SLC4A4: variants seen among roughly 807,000 people sequenced by gnomAD.
The protein encoded by SLC4A4 is electrogenic sodium bicarbonate cotransporter 1.
In SLC4A4, 27 loss-of-function variants were observed where a neutral mutation model predicts 111.5. The observed-to-expected ratio is 0.24, with a 90% confidence interval of 0.18 to 0.33. SLC4A4 has a LOEUF of 0.33. SLC4A4 is among the 10% of genes least tolerant of loss of function. SLC4A4 has a pLI of 1.00. For missense variants in SLC4A4, 909 were observed against 1,315.5 expected, an observed-to-expected ratio of 0.69 and a Z score of 4.78; for synonymous variants, 443 against 463.4, an observed-to-expected ratio of 0.96 and a Z score of 0.57.
chr4:71,215,791 A>G (rs1238080887), intron 1 of SLC4A4, among the ~76,000 whole-genome samples: 1 of 152,206 alleles, frequency 6.6e-6, no homozygotes, highest in Non-Finnish European at 1.5e-5. Context: ...GTGCTCAACA[A>G]ACGATACATA....
At chr4:71,468,568 A>T (rs1442726095) in intron 13 of SLC4A4, among the ~76,000 whole-genome samples, 2 of 152,018 alleles carry the variant, frequency 1.3e-5, no homozygotes, top group Non-Finnish European at 2.9e-5. Flanking sequence ...CTTTAAATCC[A>T]TCACTTAGTA....
chr4:71,086,361 T>G (rs1311886071), intron 1 of SLC4A4, among the ~76,000 whole-genome samples: 1 of 151,890 alleles, frequency 6.6e-6, no homozygotes, highest in African/African-American at 2.4e-5. Context: ...CAGGGACAAT[T>G]TGACTTCCTC....
intron 8 of SLC4A4, among the ~76,000 whole-genome samples, chr4:71,443,116 C>CTCTATATATATATATA (rs1198759861): frequency 7.6e-5 from 5 of 65,654 alleles, no homozygotes; most frequent in Non-Finnish European, 1.0e-4. Flanking sequence ...CTCTCTCTCT[C>CTCTATATATATATATA]TATATATATA....
At chr4:71,404,586 G>A (rs977693426) in intron 7 of SLC4A4, among the ~76,000 whole-genome samples, 11 of 152,126 alleles carry the variant, frequency 7.2e-5, no homozygotes, top group South Asian at 2.1e-4. Flanking sequence ...GAGAACAGTA[G>A]CATGCTGTCA....
chr4:71,361,752 T>A (rs888358675), intron 6 of SLC4A4, among the ~76,000 whole-genome samples: 13 of 152,220 alleles, frequency 8.5e-5, no homozygotes, highest in Non-Finnish European at 8.8e-5. Flanking sequence ...TTATTTAGTG[T>A]ATTATGAAAA....
chr4:71,147,764 AC>A (rs1170319559), intron 2 of SLC4A4, among the ~76,000 whole-genome samples: 12 of 152,128 alleles, frequency 7.9e-5, no homozygotes, highest in African/African-American at 2.9e-4. Flanking sequence ...GGGCATTGCC[AC>A]CACCCATCTG....
At chr4:71,156,615 T>TACACACACACAC (rs1560749563) in intron 2 of SLC4A4, among the ~76,000 whole-genome samples, 1 of 121,082 alleles carries the variant, frequency 8.3e-6, no homozygotes, top group South Asian at 2.8e-4. Context: ...CACACACACA[T>TACACACACACAC]ACACATTGTG....
At chr4:71,210,748 G>T (rs1193874798) in intron 1 of SLC4A4, among the ~76,000 whole-genome samples, 1 of 152,148 alleles carries the variant, frequency 6.6e-6, no homozygotes, top group Non-Finnish European at 1.5e-5. Flanking sequence ...AAGCTATGTT[G>T]TTATGTTTAT....
chr4:71,443,112 CTCTCTATA>C (rs1387125484), intron 8 of SLC4A4, among the ~76,000 whole-genome samples: 9 of 97,648 alleles, frequency 9.2e-5, no homozygotes, highest in African/African-American at 2.9e-4. Flanking sequence ...CTCTCTCTCT[CTCTCTATA>C]TATATATATA....
chr4:71,259,292 T>TA (rs1721678862), intron 3 of SLC4A4, among the ~76,000 whole-genome samples: 1 of 152,132 alleles, frequency 6.6e-6, no homozygotes, highest in Non-Finnish European at 1.5e-5. Context: ...ACCGGGTTTC[T>TA]AAAAAATAAA....
chr4:71,366,344 T>TGC (rs1363831525), intron 6 of SLC4A4, among the ~76,000 whole-genome samples: 1 of 151,896 alleles, frequency 6.6e-6, no homozygotes, highest in Non-Finnish European at 1.5e-5. Context: ...TGTGTGTGTG[T>TGC]GTGTGTGTGT....
At chr4:71,269,817 C>T (rs1001569904) in intron 3 of SLC4A4, among the ~76,000 whole-genome samples, 2 of 152,106 alleles carry the variant, frequency 1.3e-5, no homozygotes, top group African/African-American at 4.8e-5. Context: ...GGTTTGGAAT[C>T]GTAGTTTGTG....
At chr4:71,106,985 A>G (rs1001973272) in intron 2 of SLC4A4, among the ~76,000 whole-genome samples, 2 of 150,564 alleles carry the variant, frequency 1.3e-5, no homozygotes, top group Non-Finnish European at 2.9e-5. Flanking sequence ...AAAAATACAG[A>G]GAAATTAAAA....
rs924121746 is a variant in SLC4A4 at position 71,547,576 on chromosome 4, T to C, written c.2622-72T>C. The C allele has an allele frequency of 4.8e-6, 6 of 1,252,312 alleles. No homozygotes were observed. The African/African-American group carries it at 5.9e-5, about 12-fold the overall frequency. 77.6% of individuals were successfully genotyped at this position (1,252,312 alleles called of 1,614,324 possible). On this transcript the variant is annotated intron_variant, in intron 19 of 25. Transcript: ENST00000264485. ...TTGATTTTGTCAATGTGTAGTTTTT[T>C]TGAAGGTGAAAAGACAAGAGCATGT...
chr4:71,238,861 G>T (rs1719989031), intron 2 of SLC4A4, among the ~76,000 whole-genome samples: 1 of 152,158 alleles, frequency 6.6e-6, no homozygotes, highest in Non-Finnish European at 1.5e-5. Flanking sequence ...CTAGGTGATA[G>T]TATAAAACGG....
At chr4:71,236,106 T>C in intron 1 of SLC4A4, 1 of 1,010,970 alleles carries the variant, frequency 9.9e-7, no homozygotes. Flanking sequence ...TGTGGGTGGG[T>C]GTGCATGTGT....
chr4:71,148,305 C>T (rs190649971), intron 2 of SLC4A4, among the ~76,000 whole-genome samples: 46 of 152,248 alleles, frequency 3.0e-4, no homozygotes, highest in African/African-American at 9.9e-4. Flanking sequence ...TGGTCTCTCT[C>T]GAGCTCTTCT....
At chr4:71,152,233 T>G (rs920036266) in intron 2 of SLC4A4, among the ~76,000 whole-genome samples, 2 of 152,164 alleles carry the variant, frequency 1.3e-5, no homozygotes, top group African/African-American at 4.8e-5. Context: ...TAACCATTAT[T>G]CTAAATTTTG....
intron 16 of SLC4A4, among the ~76,000 whole-genome samples, chr4:71,514,886 TG>T (rs957222642): frequency 3.1e-4 from 47 of 152,278 alleles, no homozygotes; most frequent in Admixed American, 1.1e-3. Context: ...CTTTTTTTCT[TG>T]TTTAGTCTAG....
Sources: allele counts gnomAD v4.1 joint callset (sites outside exome capture counted in the v4.1 genomes callset), GRCh38; gene constraint gnomAD v4.1.1; transcripts MANE v1.5; gene names NCBI Gene and HGNC (gene_info 2026-07-23, HGNC 2026-07-21).